UNC13C: variants seen among roughly 807,000 people sequenced by gnomAD.
UNC13C encodes the protein unc-13 homolog C.
In UNC13C, 174 loss-of-function variants were observed where a neutral mutation model predicts 245.4. The observed-to-expected ratio is 0.71, with a 90% confidence interval of 0.63 to 0.80. UNC13C has a LOEUF of 0.80. UNC13C is among the 30% of genes least tolerant of loss of function. The pLI, the probability that UNC13C is intolerant of heterozygous loss-of-function variation, is 0.00. For synonymous variants in UNC13C, 992 were observed against 895.1 expected (o/e 1.11, Z -1.93); for missense variants, 2,829 against 2,602.9 (o/e 1.09, Z -1.89).
At chr15:53,873,568 A>G in the UNC13C span, among the ~76,000 whole-genome samples, 3 of 152,244 alleles carry the variant, frequency 2.0e-5, no homozygotes, top group East Asian at 5.8e-4. Context: ...GAGGCTCAGA[A>G]GGCAAATCAT....
chr15:54,170,127 G>A (rs1196593909), intron 4 of UNC13C, among the ~76,000 whole-genome samples: 1 of 151,094 alleles, frequency 6.6e-6, no homozygotes, highest in East Asian at 1.9e-4. Context: ...TTGCAGATAA[G>A]ACCTTACTCT....
In UNC13C at chr15:54,621,014, A is replaced by G. The variant is rs1169123684; in HGVS notation, c.6107-1313A>G. 3.9e-5 allele frequency among the ~76,000 whole-genome samples: 6 copies of G among 152,230 alleles called. No individual in the cohort carries two copies. The East Asian group carries it at 1.2e-3, about 29-fold the overall frequency. On this transcript the variant is annotated intron_variant, in intron 30 of 32. Coordinates refer to ENST00000260323, the MANE Select transcript of UNC13C (RefSeq NM_001080534.3). ...TGTGAAGGGTTGTTCTAAAATTCTT[A>G]TGTCCAAAGTGACCACTTTCTGTCT...
chr15:54,453,342 C>T (rs1891289291), intron 19 of UNC13C, among the ~76,000 whole-genome samples: 1 of 152,110 alleles, frequency 6.6e-6, no homozygotes, highest in South Asian at 2.1e-4. Context: ...TTACATGTCT[C>T]CTGTCTCTTA....
At chr15:54,507,237 G>T in intron 23 of UNC13C, 43 bp downstream of exon 23, 1 of 1,296,502 alleles carries the variant, frequency 7.7e-7, no homozygotes. Flanking sequence ...TCTCAGTTGA[G>T]ATTTACTTCT....
At position 54,170,938 on chromosome 15, in the gene UNC13C, G is replaced by C. The variant is rs553718804; in HGVS notation, c.3071+27254G>C. Among the ~76,000 whole-genome samples the C allele has an allele frequency of 5.3e-5, 8 of 152,250 alleles. No individual in the cohort carries two copies. The East Asian group carries it at 1.5e-3, about 29-fold the overall frequency. On this transcript the variant is annotated intron_variant, in intron 4 of 32. Coordinates refer to ENST00000260323, the MANE Select transcript of UNC13C (RefSeq NM_001080534.3). ...CAGATGGCATCCCTAAAATGGAATTGAGGGGGTTTGTTTACAAAAGGACTA... is the reference window on the plus strand; with the variant it reads ...CAGATGGCATCCCTAAAATGGAATTCAGGGGGTTTGTTTACAAAAGGACTA...
intron 2 of UNC13C, among the ~76,000 whole-genome samples, chr15:54,071,470 C>T (rs1898323243): frequency 2.0e-5 from 3 of 151,918 alleles, no homozygotes; most frequent in Non-Finnish European, 4.4e-5. Context: ...TCTTCTGCAA[C>T]CAACTCATAA....
At position 54,623,892 on chromosome 15, in the gene UNC13C, A is replaced by AAAAC; in HGVS notation, c.6300_6303dup (p.Gly2102ThrfsTer16). On this transcript the variant is annotated frameshift_variant, in exon 32 of 33. Transcript: ENST00000260323. LOFTEE classifies it high-confidence loss of function. ...GACCCAACCTTGGAGACAAGAAGAG[A>AAAAC]AAACAAGGCACAAAAACAAAAAGCA... 6.2e-7 allele frequency: 1 copy of AAAAC among 1,613,376 alleles called. No individual in the cohort carries two copies. The highest frequency in any genetic ancestry group is 8.5e-7 in the Non-Finnish European group (1 of 1,179,526).
chr15:54,101,239 C>T (rs1900146929), intron 2 of UNC13C, among the ~76,000 whole-genome samples: 1 of 151,728 alleles, frequency 6.6e-6, no homozygotes, highest in Non-Finnish European at 1.5e-5. Context: ...AGTTATTTGG[C>T]TGGTAGCACA....
chr15:54,314,151 A>G (rs994576159), intron 13 of UNC13C, among the ~76,000 whole-genome samples: 4 of 151,544 alleles, frequency 2.6e-5, no homozygotes, highest in African/African-American at 9.7e-5. Flanking sequence ...TAGGGAAAGG[A>G]GGCGGATTGT....
At chr15:53,943,412 A>G in the UNC13C span, among the ~76,000 whole-genome samples, 1 of 152,192 alleles carries the variant, frequency 6.6e-6, no homozygotes, top group Non-Finnish European at 1.5e-5. Context: ...TAATTCTCAA[A>G]TAACAAGAAT....
At chr15:54,302,832 G>A (rs975572721) in intron 13 of UNC13C, among the ~76,000 whole-genome samples, 1 of 151,968 alleles carries the variant, frequency 6.6e-6, no homozygotes, top group Non-Finnish European at 1.5e-5. Flanking sequence ...GCTTGATGAA[G>A]CATACTTCCC....
chr15:54,418,010 GA>G (rs375912428), intron 19 of UNC13C, among the ~76,000 whole-genome samples: 17 of 152,118 alleles, frequency 1.1e-4, no homozygotes, highest in African/African-American at 3.6e-4. Flanking sequence ...TGCAACCTCC[GA>G]CTCCCTGATT....
At chr15:54,486,037 G>A (rs1178397566) in intron 19 of UNC13C, among the ~76,000 whole-genome samples, 1 of 151,922 alleles carries the variant, frequency 6.6e-6, no homozygotes, top group African/African-American at 2.4e-5. Flanking sequence ...TTTATTGTCT[G>A]CCACTTGTCA....
the UNC13C span, among the ~76,000 whole-genome samples, chr15:53,908,042 G>A: frequency 1.4e-5 from 2 of 146,714 alleles, 1 homozygote; most frequent in Non-Finnish European, 3.1e-5. Flanking sequence ...AGAAAGAGGG[G>A]CAGTGGGAAA....
At chr15:54,363,807 G>A (rs750272392) in intron 17 of UNC13C, among the ~76,000 whole-genome samples, 1 of 152,074 alleles carries the variant, frequency 6.6e-6, no homozygotes, top group African/African-American at 2.4e-5. Flanking sequence ...TTTGATGTAT[G>A]TTGAATAAAA....
At position 54,014,986 on chromosome 15, in the gene UNC13C, C is replaced by A; in HGVS notation, c.2083C>A (p.Leu695Ile). Reference protein sequence around the residue: ...DQQLDVYNKDLEYLGKCHSDL... With the variant: ...DQQLDVYNKDIEYLGKCHSDL... ...ACAGCTTGATGTTTACAATAAAGAC[C>A]TAGAATACTTGGGAAAGTGCCACAG... Residue 695 changes from leucine (L) to isoleucine (I), a missense_variant, in exon 2 of 33, where the codon CTA (leucine) becomes ATA (isoleucine). Transcript: ENST00000260323. The A allele has an allele frequency of 6.2e-7, 1 of 1,613,652 alleles. No individual in the cohort carries two copies. Among genetic ancestry groups the A allele is most frequent in the Non-Finnish European group, 8.5e-7 (1 of 1,179,814 alleles).
the UNC13C span, among the ~76,000 whole-genome samples, chr15:53,950,862 A>G: frequency 2.6e-4 from 39 of 152,322 alleles, no homozygotes; most frequent in African/African-American, 9.1e-4. Context: ...GCCAACTAAG[A>G]CAAGTCCATG....
chr15:53,874,953 G>C, the UNC13C span, among the ~76,000 whole-genome samples: 3 of 152,102 alleles, frequency 2.0e-5, no homozygotes, highest in African/African-American at 4.8e-5. Flanking sequence ...AATTAGCCGG[G>C]TGTGGTGGCA....
intron 2 of UNC13C, among the ~76,000 whole-genome samples, chr15:54,089,509 G>A (rs886834484): frequency 9.9e-5 from 15 of 152,116 alleles, no homozygotes; most frequent in Non-Finnish European, 1.9e-4. Context: ...GAAAACCTGT[G>A]AGTATGTGTC....
Sources: allele counts gnomAD v4.1 joint callset (sites outside exome capture counted in the v4.1 genomes callset), GRCh38; gene constraint gnomAD v4.1.1; transcripts MANE v1.5; gene names NCBI Gene and HGNC (gene_info 2026-07-23, HGNC 2026-07-21).